The following SGMS2 variants were observed in gnomAD, a reference collection of about 807,000 sequenced individuals.
The protein encoded by SGMS2 is sphingomyelin synthase 2, also known as phosphatidylcholine:ceramide cholinephosphotransferase 2.
A neutral mutation model predicts 43.8 loss-of-function variants in SGMS2; 21 were observed. The ratio of observed to expected loss-of-function variants is 0.48; its 90% CI spans 0.34 to 0.69. The LOEUF is 0.69. Among genes scored for constraint, SGMS2 ranks in the 30% least tolerant of loss-of-function variants. The pLI, the probability that SGMS2 is intolerant of heterozygous loss-of-function variation, is 0.01. For missense variants in SGMS2, 384 were observed against 443.2 expected (o/e 0.87, Z 1.20); for synonymous variants, 167 against 160.6 (o/e 1.04, Z -0.30).
chr4:107,896,901 T>A (rs1278478668), intron 3 of SGMS2, among the ~76,000 whole-genome samples: 2 of 152,182 alleles, frequency 1.3e-5, no homozygotes, highest in African/African-American at 2.4e-5. Context: ...ATGGTAGTGA[T>A]TAAATCACTA....
At chr4:107,825,620 CTTTT>C (rs201101875) in intron 1 of SGMS2, among the ~76,000 whole-genome samples, 24 of 116,268 alleles carry the variant, frequency 2.1e-4, no homozygotes, top group African/African-American at 8.1e-4. Context: ...TTTTCTTTCT[CTTTT>C]TTTTTTTTTT....
At chr4:107,885,212 C>T (rs912303747) in intron 2 of SGMS2, among the ~76,000 whole-genome samples, 1 of 146,900 alleles carries the variant, frequency 6.8e-6, no homozygotes, top group Non-Finnish European at 1.5e-5. Flanking sequence ...AGTTACACTG[C>T]TAGTGTTTTG....
At position 107,901,908 on chromosome 4, in the gene SGMS2, C is replaced by CT. The variant is rs773312563; in HGVS notation, c.574-1311dup. On this transcript the variant is annotated intron_variant, in intron 4 of 6. Coordinates refer to ENST00000690982, the MANE Select transcript of SGMS2 (RefSeq NM_001375905.1). ...GCCAAACACTTACCTCCTTCTTCTTCTTTTTTTTTTTTTTCTGAGATGAGT... is the reference window on the plus strand; with the variant it reads ...GCCAAACACTTACCTCCTTCTTCTTCTTTTTTTTTTTTTTTCTGAGATGAGT... 2.6e-3 allele frequency among the ~76,000 whole-genome samples: 377 copies of CT among 142,962 alleles called. 1 individual carries two copies. Among genetic ancestry groups the CT allele is most frequent in the Non-Finnish European group, 2.9e-3 (190 of 64,874 alleles). The allele number at this position is 142,962 out of a possible 152,430, so 93.8% of individuals were successfully genotyped here. A position where few individuals can be genotyped will look rare whatever the true frequency, so the allele number is the denominator to read the frequency against.
intron 1 of SGMS2, among the ~76,000 whole-genome samples, chr4:107,850,060 T>G (rs1014049609): frequency 1.3e-5 from 2 of 152,188 alleles, no homozygotes; most frequent in Non-Finnish European, 2.9e-5. Flanking sequence ...ATCTTCTTGG[T>G]ACTGTTCTCA....
chr4:107,879,704 CA>C (rs1729199021), intron 2 of SGMS2, among the ~76,000 whole-genome samples: 1 of 152,134 alleles, frequency 6.6e-6, no homozygotes, highest in Admixed American at 6.5e-5. Flanking sequence ...TCAAGTGATC[CA>C]CCTGCCTCAG....
chr4:107,831,271 G>A (rs774776670), intron 1 of SGMS2, among the ~76,000 whole-genome samples: 1 of 152,138 alleles, frequency 6.6e-6, no homozygotes, highest in Non-Finnish European at 1.5e-5. Context: ...GACTGTATGT[G>A]TATGCTCTCC....
intron 1 of SGMS2, among the ~76,000 whole-genome samples, chr4:107,850,391 A>G (rs1560637163): frequency 6.6e-6 from 1 of 152,204 alleles, no homozygotes; most frequent in Non-Finnish European, 1.5e-5. Flanking sequence ...AATGTGATGG[A>G]AAACTGGTAT....
chr4:107,847,467 A>G (rs1343943054), intron 1 of SGMS2, among the ~76,000 whole-genome samples: 1 of 151,592 alleles, frequency 6.6e-6, no homozygotes, highest in Non-Finnish European at 1.5e-5. Flanking sequence ...TGTTCCATTG[A>G]TCTATATCTC....
At chr4:107,898,881 C>T (rs563164916) in intron 3 of SGMS2, among the ~76,000 whole-genome samples, 2 of 152,160 alleles carry the variant, frequency 1.3e-5, no homozygotes, top group African/African-American at 4.8e-5. Flanking sequence ...ATTTTTTTAT[C>T]CTTTTTTTGA....
At chr4:107,833,338 G>A (rs913329379) in intron 1 of SGMS2, among the ~76,000 whole-genome samples, 11 of 152,212 alleles carry the variant, frequency 7.2e-5, no homozygotes, top group Non-Finnish European at 1.6e-4. Flanking sequence ...TACTGTTGGA[G>A]ATGGTAGTAA....
intron 2 of SGMS2, among the ~76,000 whole-genome samples, chr4:107,861,921 C>T (rs1727756387): frequency 6.6e-6 from 1 of 152,152 alleles, no homozygotes; most frequent in African/African-American, 2.4e-5. Flanking sequence ...TGTTCATAAA[C>T]ATTTAATAAA....
At chr4:107,868,738 AT>A (rs983959596) in intron 2 of SGMS2, among the ~76,000 whole-genome samples, 1 of 151,898 alleles carries the variant, frequency 6.6e-6, no homozygotes, top group African/African-American at 2.4e-5. Flanking sequence ...AGTTGCTGCC[AT>A]TTTCAGAATA....
At chr4:107,876,788 T>A (rs1188199880) in intron 2 of SGMS2, among the ~76,000 whole-genome samples, 1 of 152,188 alleles carries the variant, frequency 6.6e-6, no homozygotes, top group East Asian at 1.9e-4. Context: ...ATCTAGGAAA[T>A]TTTTTGTGGT....
At chr4:107,828,002 A>C (rs1725690582) in intron 1 of SGMS2, among the ~76,000 whole-genome samples, 1 of 152,128 alleles carries the variant, frequency 6.6e-6, no homozygotes, top group Non-Finnish European at 1.5e-5. Context: ...AAACAAAACA[A>C]AACAAAAAAA....
intron 2 of SGMS2, among the ~76,000 whole-genome samples, chr4:107,883,454 A>G (rs961303013): frequency 5.3e-5 from 8 of 152,194 alleles, no homozygotes; most frequent in Non-Finnish European, 1.2e-4. Flanking sequence ...AGCTGGGACT[A>G]CAGGCGTGTG....
intron 5 of SGMS2, 193 bp from the exon 6 acceptor site, chr4:107,908,371 AG>A: frequency 1.8e-6 from 1 of 547,236 alleles, no homozygotes; most frequent in African/African-American, 1.9e-5. Context: ...GCCCGCTGCC[AG>A]GGAGCCCCTC....
chr4:107,833,597 A>G (rs1011329117), intron 1 of SGMS2, among the ~76,000 whole-genome samples: 1 of 152,220 alleles, frequency 6.6e-6, no homozygotes, highest in African/African-American at 2.4e-5. Context: ...ATTACCTTCA[A>G]TCTGCATATA....
rs796375707 is a variant in SGMS2 at position 107,874,291 on chromosome 4, CA to C, written c.-245+15742del. Among the ~76,000 whole-genome samples, 43 of 152,206 alleles carry C rather than the reference CA, an allele frequency of 2.8e-4. 1 individual carries two copies. The highest frequency in any genetic ancestry group is 9.4e-4 in the African/African-American group (39 of 41,544). On this transcript the variant is annotated intron_variant, in intron 2 of 6. Transcript: ENST00000690982. ...GGCATTACTTTAGTAGAGTAGGCAA[CA>C]AAAGACACATTTGTTTATTAGAAAC... is the stretch of plus-strand genomic sequence containing the variant.
At chr4:107,903,517 G>A in intron 5 of SGMS2, 131 bp downstream of exon 5, 1 of 727,848 alleles carries the variant, frequency 1.4e-6, no homozygotes, top group South Asian at 1.8e-5. Context: ...GTGTATATAT[G>A]TATGTGAATG....
Sources: allele counts gnomAD v4.1 joint callset (sites outside exome capture counted in the v4.1 genomes callset), GRCh38; gene constraint gnomAD v4.1.1; transcripts MANE v1.5; gene names NCBI Gene and HGNC (gene_info 2026-07-23, HGNC 2026-07-21).